The following ZNF605 variants were observed in gnomAD, a reference collection of about 807,000 sequenced individuals.
ZNF605 encodes zinc finger protein 605.
ZNF605 carries 9 observed loss-of-function variants against 7.9 expected under a neutral mutation model. The ratio of observed to expected loss-of-function variants is 1.14; its 90% confidence interval spans 0.68 to 1.98. ZNF605 has a LOEUF of 1.98. ZNF605 is among the 30% of genes most tolerant of loss of function. The probability of loss-of-function intolerance (pLI) is 0.00; values close to 1 mark genes in which losing one functional copy is unlikely to be tolerated. For missense variants in ZNF605, 673 were observed against 762.4 expected (o/e 0.88, Z 1.38); for synonymous variants, 255 against 260.1 (o/e 0.98, Z 0.19).
rs913126822 is a variant in ZNF605 at position 132,919,480 on chromosome 12, C to T, written c.*5893G>A. On this transcript the variant is annotated 3_prime_UTR_variant, in exon 5 of 5. Transcript: ENST00000360187. ...TCTCAGCTCACTGCAAGCTCCGCCT[C>T]CCGGGTTCACGCCATTCTCCTGCCT... The T allele has an allele frequency of 1.3e-5, 2 of 151,236 alleles. No homozygotes were observed. Among genetic ancestry groups the T allele is most frequent in the African/African-American group, 4.9e-5 (2 of 41,058 alleles). 9.4% of individuals were successfully genotyped at this position (151,236 alleles called of 1,614,324 possible). A position where few individuals can be genotyped will look rare whatever the true frequency, so the allele number is the denominator to read the frequency against.
chr12:132,943,860 G>A (rs796557368), intron 3 of ZNF605, among the ~76,000 whole-genome samples: 1,936 of 152,266 alleles, frequency 0.013, 46 homozygotes, highest in African/African-American at 0.045. Flanking sequence ...TGAGGCTGGA[G>A]CTTGCTGGAC....
chr12:132,940,023 C>A (rs905295854), intron 3 of ZNF605, among the ~76,000 whole-genome samples: 3 of 152,150 alleles, frequency 2.0e-5, no homozygotes, highest in Admixed American at 6.5e-5. Context: ...AGACTCCAGA[C>A]GCGCCACCCG....
At chr12:132,952,484 T>C (rs1156855197) in intron 1 of ZNF605, among the ~76,000 whole-genome samples, 7 of 148,126 alleles carry the variant, frequency 4.7e-5, no homozygotes, top group Non-Finnish European at 7.4e-5. Context: ...ATTTTAACTG[T>C]GACCAAGGGA....
intron 3 of ZNF605, among the ~76,000 whole-genome samples, chr12:132,944,318 T>C (rs1952476507): frequency 6.6e-6 from 1 of 150,820 alleles, no homozygotes; most frequent in South Asian, 2.1e-4. Flanking sequence ...AAAAAGAAAA[T>C]ATCAGGAAGA....
chr12:132,934,187 G>A (rs1284462431), intron 3 of ZNF605, among the ~76,000 whole-genome samples: 1 of 152,096 alleles, frequency 6.6e-6, no homozygotes, highest in African/African-American at 2.4e-5. Context: ...GCTGAGGCAG[G>A]AGAATCACTT....
At chr12:132,932,913 A>C in intron 4 of ZNF605, 122 bp downstream of exon 4, 1 of 1,382,452 alleles carries the variant, frequency 7.2e-7, no homozygotes, top group Non-Finnish European at 9.6e-7. Flanking sequence ...AGTGAATGAA[A>C]ATCTTTCAAT....
intron 3 of ZNF605, among the ~76,000 whole-genome samples, chr12:132,936,738 C>T (rs2137139319): frequency 6.6e-6 from 1 of 151,912 alleles, no homozygotes; most frequent in Non-Finnish European, 1.5e-5. Context: ...GATCACAGAC[C>T]TAAACATAAA....
intron 4 of ZNF605, among the ~76,000 whole-genome samples, chr12:132,931,277 G>T (rs957667949): frequency 8.6e-5 from 13 of 152,016 alleles, no homozygotes; most frequent in African/African-American, 3.1e-4. Context: ...TCCTTATCTG[G>T]GTCCATAATA....
chr12:132,950,578 G>A (rs1333632467), intron 1 of ZNF605, among the ~76,000 whole-genome samples: 5 of 150,172 alleles, frequency 3.3e-5, no homozygotes, highest in East Asian at 2.0e-4. Flanking sequence ...ACACAGACGT[G>A]CACACACACT....
At chr12:132,954,958 C>A (rs1427689819) in intron 1 of ZNF605, among the ~76,000 whole-genome samples, 2 of 152,160 alleles carry the variant, frequency 1.3e-5, no homozygotes, top group Non-Finnish European at 2.9e-5. Context: ...CAAACCCCAG[C>A]CACTCGCCAG....
intron 3 of ZNF605, among the ~76,000 whole-genome samples, chr12:132,943,965 A>G (rs1208995304): frequency 1.3e-5 from 2 of 152,202 alleles, no homozygotes; most frequent in Non-Finnish European, 2.9e-5. Context: ...ATGCCCAGGA[A>G]CGTCCTGATG....
chr12:132,938,773 C>T (rs1432057101), intron 3 of ZNF605, among the ~76,000 whole-genome samples: 11 of 151,714 alleles, frequency 7.3e-5, no homozygotes, highest in East Asian at 1.9e-4. Flanking sequence ...GAGCGGGAAC[C>T]GGGGCTGTGT....
intron 3 of ZNF605, among the ~76,000 whole-genome samples, chr12:132,938,929 C>A (rs1309523027): frequency 2.0e-5 from 3 of 152,052 alleles, no homozygotes; most frequent in Non-Finnish European, 4.4e-5. Context: ...CTGGGTCCCC[C>A]AGCAGTGCTG....
chr12:132,946,184 C>T (rs1348644458), intron 2 of ZNF605, among the ~76,000 whole-genome samples: 1 of 152,188 alleles, frequency 6.6e-6, no homozygotes, highest in Non-Finnish European at 1.5e-5. Context: ...AGCAATACTT[C>T]CTGGAGGCAC....
At chr12:132,953,324 G>A (rs1427383544) in intron 1 of ZNF605, among the ~76,000 whole-genome samples, 13 of 152,140 alleles carry the variant, frequency 8.5e-5, no homozygotes, top group South Asian at 2.1e-4. Context: ...GACCCCAGGC[G>A]GTAACTCTAG....
At chr12:132,934,722 A>AAAAG (rs1555279190) in intron 3 of ZNF605, among the ~76,000 whole-genome samples, 15 of 136,138 alleles carry the variant, frequency 1.1e-4, no homozygotes, top group African/African-American at 2.5e-4. Context: ...AAAAAAAAAA[A>AAAAG]GATTCCAGGA....
In ZNF605 at chr12:132,935,232, T is replaced by C. The variant is rs7980199; in HGVS notation, c.16-2077A>G. ...AATAAGCCCAAGCATAGGGGACTAA[T>C]AGGTTATTTTCCCTCATAAAGCTGG... On this transcript the variant is annotated intron_variant, in intron 3 of 4. Coordinates refer to ENST00000360187, the MANE Select transcript of ZNF605 (RefSeq NM_183238.4). Among the ~76,000 whole-genome samples, 606 of 152,188 alleles carry C rather than the reference T, an allele frequency of 4.0e-3. 4 individuals carry two copies. Among genetic ancestry groups the C allele is most frequent in the Middle Eastern group, 0.017 (5 of 294 alleles).
intron 3 of ZNF605, among the ~76,000 whole-genome samples, chr12:132,939,423 T>G (rs1165516467): frequency 6.6e-6 from 1 of 152,176 alleles, no homozygotes; most frequent in Non-Finnish European, 1.5e-5. Flanking sequence ...TCAAGGTTTG[T>G]AAACACACCA....
In ZNF605 at chr12:132,927,108, T is replaced by G; in HGVS notation, c.191A>C (p.Lys64Thr). The change falls in exon 5 of 5, where the codon AAA becomes ACA. Residue 64 changes from lysine (K) to threonine (T), a missense_variant. Physicochemically the swap from Lys to Thr is moderately conservative, Grantham distance 78 (BLOSUM62 -1). Coordinates refer to ENST00000360187, the MANE Select transcript of ZNF605 (RefSeq NM_183238.4). ...ATATTTATGGCCTCTCTCCATACTT[T>G]TAAGGTTGTCTTGATTATCTCGGAG... ...MWLRDNQDNL[K>T]SMERGHKYDV... 6.3e-7 allele frequency: 1 copy of G among 1,589,012 alleles called. No homozygotes were observed. The highest frequency in any genetic ancestry group is 8.5e-7 in the Non-Finnish European group (1 of 1,176,650).
Sources: gnomAD v4.1 joint callset for allele counts (sites outside exome capture counted in the v4.1 genomes callset) on GRCh38, gnomAD v4.1.1 for gene constraint, MANE v1.5 for transcripts, NCBI Gene and HGNC (gene_info 2026-07-23, HGNC 2026-07-21) for gene names.